Variants in ACOT11 observed in about 807,000 individuals in gnomAD.
The protein encoded by ACOT11 is acyl-CoA thioesterase 11, also known as acyl-coenzyme A thioesterase 11.
A neutral mutation model predicts 77.5 loss-of-function variants in ACOT11; 69 were observed. The observed-to-expected ratio is 0.89, with a 90% CI of 0.73 to 1.09. The LOEUF is 1.09. Ranked by LOEUF, ACOT11 falls within the 50% of genes least tolerant of loss-of-function variation. The pLI is 0.00. For synonymous variants in ACOT11, 279 were observed against 313.0 expected (o/e 0.89, Z 1.15); for missense variants, 766 against 813.7 (o/e 0.94, Z 0.71).
In ACOT11 at chr1:54,607,859, G is replaced by T. The variant is rs1043453735; in HGVS notation, c.1503-83G>T. On this transcript the variant is annotated intron_variant, in intron 14 of 15. Coordinates refer to ENST00000343744, the MANE Select transcript of ACOT11 (RefSeq NM_147161.4). This position sits in a 1 kb window ranked among gnomAD's most constrained non-coding sequence, Gnocchi z 4.5. ...AGGAATCTGTGCTAGAGGGGGCAGG[G>T]TCTCGGCCTTGGTTGGGCAGAACAG... 1.2e-5 allele frequency: 18 copies of T among 1,564,078 alleles called. No individual in the cohort carries two copies. The African/African-American group carries it at 2.3e-4, about 20-fold the overall frequency.
At chr1:54,604,590 C>T (rs1014164893) in intron 12 of ACOT11, among the ~76,000 whole-genome samples, 161 bp downstream of exon 12, 1 of 152,172 alleles carries the variant, frequency 6.6e-6, no homozygotes, top group African/African-American at 2.4e-5. Flanking sequence ...CGTACCCACC[C>T]CTGCAGGGCC....
At chr1:54,574,606 G>A (rs924378150) in intron 1 of ACOT11, among the ~76,000 whole-genome samples, 3 of 152,144 alleles carry the variant, frequency 2.0e-5, no homozygotes, top group African/African-American at 4.8e-5. Flanking sequence ...CGGTCTGTGG[G>A]GGGTGCTCAC....
rs1339816295 is a variant in ACOT11 at position 54,609,624 on chromosome 1, C to G, written c.*512C>G. On this transcript the variant is annotated 3_prime_UTR_variant, in exon 16 of 16. Coordinates refer to ENST00000343744, the MANE Select transcript of ACOT11 (RefSeq NM_147161.4). ...ACAGTCACGTGGGGGAAGACCTCAG[C>G]CACAGCTGTAAGCAGCTCTCTGCCA... The G allele has an allele frequency of 2.5e-6, 4 of 1,613,594 alleles. No individual in the cohort carries two copies. Among genetic ancestry groups the G allele is most frequent in the Non-Finnish European group, 2.5e-6 (3 of 1,180,030 alleles).
chr1:54,594,854 A>G (rs1385612792), intron 6 of ACOT11, among the ~76,000 whole-genome samples, 163 bp downstream of exon 6: 1 of 152,162 alleles, frequency 6.6e-6, no homozygotes, highest in African/African-American at 2.4e-5. Context: ...GGTCTCCTCC[A>G]GGGAAGGGGA....
chr1:54,608,926 G>A lies in ACOT11; in HGVS notation c.1630-31G>A, dbSNP rs368905886. The A allele has an allele frequency of 4.3e-6, 7 of 1,610,822 alleles. No homozygotes were observed. The African/African-American group carries it at 8.0e-5, about 18-fold the overall frequency. ...CTTCCCAGGACCCTCCCCTAGCTTG[G>A]TCCCCCTGAGCTTGGCTTCCCACCC... On this transcript the variant is annotated intron_variant, in intron 15 of 15. Coordinates refer to ENST00000343744, the MANE Select transcript of ACOT11 (RefSeq NM_147161.4).
chr1:54,612,405 CCTT>C, downstream of ACOT11: 1 of 1,032,312 alleles, frequency 9.7e-7, no homozygotes, highest in Middle Eastern at 2.2e-4. Flanking sequence ...CCTTTAAGAC[CCTT>C]CCAGCCATGA....
chr1:54,606,300 A>G (rs965707050), intron 13 of ACOT11, among the ~76,000 whole-genome samples: 4 of 152,124 alleles, frequency 2.6e-5, no homozygotes, highest in African/African-American at 9.7e-5. Context: ...GCCAGACCAA[A>G]TCTTGATACT....
chr1:54,627,364 A>G (rs1644277801), intron 15 of ACOT11, among the ~76,000 whole-genome samples: 1 of 134,994 alleles, frequency 7.4e-6, no homozygotes, highest in African/African-American at 2.5e-5. Context: ...CTGGGAGGAA[A>G]GAGACTTCAT....
intron 1 of ACOT11, among the ~76,000 whole-genome samples, chr1:54,563,036 T>A (rs1379318726): frequency 1.3e-5 from 2 of 150,938 alleles, no homozygotes; most frequent in Non-Finnish European, 3.0e-5. Context: ...ATCTCGGCAC[T>A]TTGGGAGGCC....
intron 1 of ACOT11, among the ~76,000 whole-genome samples, chr1:54,573,653 A>G (rs1653997714): frequency 6.6e-6 from 1 of 152,210 alleles, no homozygotes; most frequent in Non-Finnish European, 1.5e-5. Context: ...GAATAGCTTG[A>G]ACCCCGGAGG....
Position 54,585,809 on chromosome 1 carries a change from G to A in ACOT11, c.242-26G>A, listed in dbSNP as rs749868909. 23 of 1,613,478 alleles carry A rather than the reference G, an allele frequency of 1.4e-5. No homozygotes were observed. In the East Asian group the frequency reaches 3.3e-4, roughly 23 times the overall value. On this transcript the variant is annotated intron_variant, in intron 2 of 15. Transcript: ENST00000343744. ...CCTGTGATCGGGGGAGGCTGCTAAT[G>A]TCTGGCTTTCTTCTGCTGACACCAG...
At chr1:54,552,248 C>A (rs1653096591) in intron 1 of ACOT11, among the ~76,000 whole-genome samples, 1 of 152,128 alleles carries the variant, frequency 6.6e-6, no homozygotes, top group Admixed American at 6.6e-5. Flanking sequence ...CTCTTGAGGA[C>A]CCTACTCTGT....
exon 17 of ACOT11, chr1:54,634,947 TAATGGTAG>T (rs1644323016): frequency 2.0e-6 from 1 of 503,860 alleles, no homozygotes; most frequent in Admixed American, 3.7e-5. Context: ...ATGAATAATT[TAATGGTAG>T]CTATGATAGC....
chr1:54,633,559 G>C (rs903909249), intron 16 of ACOT11, among the ~76,000 whole-genome samples: 1 of 152,172 alleles, frequency 6.6e-6, no homozygotes, highest in Admixed American at 6.5e-5. Flanking sequence ...ACAACCTGCA[G>C]CCTGCTAAGT....
chr1:54,599,451 A>T, intron 8 of ACOT11, 36 bp downstream of exon 8: 1 of 1,545,906 alleles, frequency 6.5e-7, no homozygotes, highest in Non-Finnish European at 8.8e-7. Context: ...ACGTCCATTC[A>T]GGGCTGAGGG....
chr1:54,568,433 C>T (rs192663844), intron 1 of ACOT11, among the ~76,000 whole-genome samples: 55 of 141,432 alleles, frequency 3.9e-4, no homozygotes, highest in African/African-American at 1.5e-3. Flanking sequence ...GGTGCGACCT[C>T]GGCTCACTGC....
Position 54,579,793 on chromosome 1 carries a change from C to T in ACOT11, c.34-4862C>T, listed in dbSNP as rs1654240223. Among the ~76,000 whole-genome samples the T allele has an allele frequency of 8.5e-5, 13 of 152,292 alleles. 1 individual carries two copies. The South Asian group carries it at 2.7e-3, about 32-fold the overall frequency. ...GCAGTTTTGCACCCTGGGTTTGAAGCCCTGCTCCATAATCACTGGCTTTTT... is the reference window on the plus strand; with the variant it reads ...GCAGTTTTGCACCCTGGGTTTGAAGTCCTGCTCCATAATCACTGGCTTTTT... On this transcript the variant is annotated intron_variant, in intron 1 of 15. Transcript: ENST00000343744.
chr1:54,574,029 C>CA (rs368096166), intron 1 of ACOT11, among the ~76,000 whole-genome samples: 6,261 of 87,216 alleles, frequency 0.072, 241 homozygotes, highest in South Asian at 0.27. Context: ...AACTCCATCT[C>CA]AAAAAAAAAA....
Position 54,599,383 on chromosome 1 carries a change from C to T in ACOT11, c.852C>T (p.Leu284=), listed in dbSNP as rs1402173892. ...GPSQVGDRLV[L]KAIVNNAFKH... Reference sequence around the variant, plus strand: ...CCCAGGTCGGCGACCGTCTGGTGCTCAAAGCCATCGTGAACAATGCCTTCA... The same window carrying T: ...CCCAGGTCGGCGACCGTCTGGTGCTTAAAGCCATCGTGAACAATGCCTTCA... The change falls in exon 8 of 16, where the codon CTC becomes CTT. Residue 284 remains leucine (L), a synonymous_variant. Transcript: ENST00000343744. The T allele has an allele frequency of 2.6e-5, 42 of 1,607,384 alleles. No individual in the cohort carries two copies. Among genetic ancestry groups the T allele is most frequent in the Admixed American group, 5.0e-5 (3 of 59,768 alleles).
Sources: gnomAD v4.1 joint callset for allele counts (sites outside exome capture counted in the v4.1 genomes callset) on GRCh38, gnomAD v4.1.1 for gene constraint, Gnocchi (gnomAD v3.1) non-coding constraint, MANE v1.5 for transcripts, NCBI Gene and HGNC (gene_info 2026-07-23, HGNC 2026-07-21) for gene names.